The following PPA2 variants were observed in gnomAD, a reference collection of about 807,000 sequenced individuals.
PPA2 encodes the protein inorganic pyrophosphatase 2.
Under a neutral mutation model 49.5 loss-of-function variants are expected in PPA2, and 48 were observed. That is an observed-to-expected ratio of 0.97 (90% CI 0.77 to 1.23). PPA2 has a LOEUF of 1.23. Ranked by LOEUF, PPA2 falls within the 50% of genes most tolerant of loss-of-function variation. The probability of loss-of-function intolerance (pLI) is 0.00; values close to 1 mark genes in which losing one functional copy is unlikely to be tolerated. For synonymous variants in PPA2, 131 were observed against 139.9 expected (o/e 0.94, Z 0.45); for missense variants, 429 against 410.1 (o/e 1.05, Z -0.40).
At chr4:105,452,951 C>T (rs1722731606) in intron 3 of PPA2, among the ~76,000 whole-genome samples, 1 of 151,818 alleles carries the variant, frequency 6.6e-6, no homozygotes, top group African/African-American at 2.4e-5. Flanking sequence ...TTTTAGCATA[C>T]GGTTGGTATA....
chr4:105,449,789 G>A (rs1722591254), intron 3 of PPA2, among the ~76,000 whole-genome samples: 1 of 152,162 alleles, frequency 6.6e-6, no homozygotes, highest in African/African-American at 2.4e-5. Flanking sequence ...AAGTAAGTGT[G>A]ATCATCTCTG....
chr4:105,447,348 T>C (rs1261011985), intron 4 of PPA2, among the ~76,000 whole-genome samples: 1 of 152,014 alleles, frequency 6.6e-6, no homozygotes, highest in Non-Finnish European at 1.5e-5. Flanking sequence ...ATTGAACTCA[T>C]AAAAGCAGAG....
At chr4:105,429,695 TA>T (rs1277784956) in intron 6 of PPA2, among the ~76,000 whole-genome samples, 1 of 152,112 alleles carries the variant, frequency 6.6e-6, no homozygotes, top group Non-Finnish European at 1.5e-5. Flanking sequence ...AAATAGAAAA[TA>T]AACCTGTATG....
intron 10 of PPA2, among the ~76,000 whole-genome samples, chr4:105,379,333 A>G (rs1398638889): frequency 6.6e-6 from 1 of 151,834 alleles, no homozygotes; most frequent in Non-Finnish European, 1.5e-5. Context: ...CTTGCTTGAG[A>G]TATATATCTC....
chr4:105,464,702 G>A lies in PPA2; in HGVS notation c.158-7957C>T, dbSNP rs1051670523. Among the ~76,000 whole-genome samples the A allele has an allele frequency of 3.3e-5, 5 of 152,054 alleles. No homozygotes were observed. The South Asian group carries it at 6.2e-4, about 19-fold the overall frequency. On this transcript the variant is annotated intron_variant, in intron 1 of 11. Coordinates refer to ENST00000341695, the MANE Select transcript of PPA2 (RefSeq NM_176869.3). ...CTCATGAGATCTGATGATTATATAC[G>A]GGGGAGTTTCCCTGCACTAGCTCTC...
At position 105,419,757 on chromosome 4, in the gene PPA2, AAT is replaced by A. The variant is rs201042259; in HGVS notation, c.655+4437_655+4438del. Among the ~76,000 whole-genome samples, 803 of 152,124 alleles carry A rather than the reference AAT, an allele frequency of 5.3e-3. 6 individuals carry two copies. The highest frequency in any genetic ancestry group is 0.018 in the African/African-American group (759 of 41,452). ...ATTTCATTTTATTTATATCAAAAAAAATAAAAGTTATTGTATTTGTTCACAAA... is the reference window on the plus strand; with the variant it reads ...ATTTCATTTTATTTATATCAAAAAAAAAAAGTTATTGTATTTGTTCACAAA... On this transcript the variant is annotated intron_variant, in intron 7 of 11. Coordinates refer to ENST00000341695, the MANE Select transcript of PPA2 (RefSeq NM_176869.3).
intron 7 of PPA2, among the ~76,000 whole-genome samples, chr4:105,407,358 A>G (rs1208200300): frequency 1.3e-5 from 2 of 152,224 alleles, no homozygotes; most frequent in African/African-American, 2.4e-5. Context: ...GAATGAATAC[A>G]TGTTCTGACA....
At chr4:105,390,974 G>A (rs912681767) in intron 9 of PPA2, among the ~76,000 whole-genome samples, 2 of 152,154 alleles carry the variant, frequency 1.3e-5, no homozygotes, top group African/African-American at 4.8e-5. Flanking sequence ...AGAAGATGTG[G>A]TACATATACA....
At chr4:105,385,325 G>A (rs1209304376) in intron 10 of PPA2, among the ~76,000 whole-genome samples, 2 of 148,972 alleles carry the variant, frequency 1.3e-5, no homozygotes, top group African/African-American at 5.0e-5. Flanking sequence ...CAAGGGCAGA[G>A]GTTTTTGTGT....
chr4:105,459,519 T>A (rs1327291971), intron 1 of PPA2, among the ~76,000 whole-genome samples: 1 of 152,232 alleles, frequency 6.6e-6, no homozygotes, highest in Non-Finnish European at 1.5e-5. Context: ...CTGTTTCTTG[T>A]AAAGTTAAAC....
At chr4:105,449,831 T>C (rs910246546) in intron 3 of PPA2, among the ~76,000 whole-genome samples, 1 of 152,288 alleles carries the variant, frequency 6.6e-6, no homozygotes, top group South Asian at 2.1e-4. Flanking sequence ...GTTACAAAGA[T>C]CAATGACAAT....
intron 9 of PPA2, among the ~76,000 whole-genome samples, chr4:105,391,567 T>G (rs950982621): frequency 6.6e-6 from 1 of 151,650 alleles, no homozygotes; most frequent in Non-Finnish European, 1.5e-5. Context: ...CAGTTCTACA[T>G]AGAGGTATGT....
chr4:105,370,070 T>A (rs1366418895), intron 11 of PPA2, among the ~76,000 whole-genome samples: 5 of 152,232 alleles, frequency 3.3e-5, no homozygotes, highest in African/African-American at 1.2e-4. Context: ...AAGGTTTAGA[T>A]AAAGCTTGTA....
At chr4:105,419,386 C>T (rs1283934567) in intron 7 of PPA2, among the ~76,000 whole-genome samples, 2 of 152,264 alleles carry the variant, frequency 1.3e-5, no homozygotes, top group East Asian at 3.9e-4. Context: ...CAACTCCCAC[C>T]TATGAGTGAG....
chr4:105,435,897 A>G (rs1437664413), intron 6 of PPA2, among the ~76,000 whole-genome samples: 2 of 152,158 alleles, frequency 1.3e-5, no homozygotes, highest in African/African-American at 4.8e-5. Context: ...GAACCAGAAT[A>G]AGACAAGGAT....
At position 105,403,263 on chromosome 4, in the gene PPA2, T is replaced by C. The variant is rs981500650; in HGVS notation, c.656-4099A>G. Among the ~76,000 whole-genome samples, 7 of 152,322 alleles carry C rather than the reference T, an allele frequency of 4.6e-5. No homozygotes were observed. In the East Asian group the frequency reaches 1.4e-3, roughly 29 times the overall value. Reference sequence around the variant, plus strand: ...AGTTGCTTTGTTGCCCAGGCTGGTCTTGAACTCCTGGGCTCCAGTGTTCCT... The same window carrying C: ...AGTTGCTTTGTTGCCCAGGCTGGTCCTGAACTCCTGGGCTCCAGTGTTCCT... On this transcript the variant is annotated intron_variant, in intron 7 of 11. Coordinates refer to ENST00000341695, the MANE Select transcript of PPA2 (RefSeq NM_176869.3).
At chr4:105,457,118 T>C (rs1187546528) in intron 1 of PPA2, among the ~76,000 whole-genome samples, 1 of 152,154 alleles carries the variant, frequency 6.6e-6, no homozygotes, top group Non-Finnish European at 1.5e-5. Flanking sequence ...CAATTTCCCT[T>C]GGGGAAACTT....
chr4:105,426,952 G>A (rs111540984), intron 6 of PPA2, among the ~76,000 whole-genome samples: 3,105 of 152,316 alleles, frequency 0.02, 48 homozygotes, highest in Middle Eastern at 0.061. Context: ...CCTCCCAGTA[G>A]AGGCCGACAG....
intron 6 of PPA2, among the ~76,000 whole-genome samples, chr4:105,427,289 TCTC>T (rs1206791938): frequency 6.6e-6 from 1 of 151,968 alleles, no homozygotes; most frequent in African/African-American, 2.4e-5. Context: ...GAATGCCTCT[TCTC>T]CTCAAAGGAT....
Sources: allele counts gnomAD v4.1 joint callset (sites outside exome capture counted in the v4.1 genomes callset), GRCh38; gene constraint gnomAD v4.1.1; transcripts MANE v1.5; gene names NCBI Gene and HGNC (gene_info 2026-07-23, HGNC 2026-07-21).